The following CAMKMT variants were observed in gnomAD, a reference collection of about 807,000 sequenced individuals.
CAMKMT encodes calmodulin-lysine N-methyltransferase.
CAMKMT carries 53 observed loss-of-function variants against 48.0 expected under a neutral mutation model. The observed-to-expected ratio is 1.10, with a 90% CI of 0.89 to 1.39. The LOEUF (loss-of-function observed/expected upper bound fraction) is 1.39. Among genes scored for constraint, CAMKMT ranks in the 40% most tolerant of loss-of-function variants. The pLI is 0.00. For missense variants in CAMKMT, 428 were observed against 402.7 expected (o/e 1.06, Z -0.54); for synonymous variants, 165 against 152.3 (o/e 1.08, Z -0.61).
rs531661151 is a variant in CAMKMT at position 44,636,624 on chromosome 2, G to A, written c.377-67659G>A. Among the ~76,000 whole-genome samples, 9 of 152,216 alleles carry A rather than the reference G, an allele frequency of 5.9e-5. No homozygotes were observed. In the East Asian group the frequency reaches 1.4e-3, roughly 23 times the overall value. On this transcript the variant is annotated intron_variant, in intron 3 of 10. Transcript: ENST00000378494. ...TATTACTTATTTCTGAACTTCCAACGGTTCTTTTATGGTTTTAAAAATATT... is the reference window on the plus strand; with the variant it reads ...TATTACTTATTTCTGAACTTCCAACAGTTCTTTTATGGTTTTAAAAATATT...
intron 2 of CAMKMT, among the ~76,000 whole-genome samples, chr2:44,385,291 T>C (rs1464365576): frequency 6.6e-6 from 1 of 152,126 alleles, no homozygotes; most frequent in Non-Finnish European, 1.5e-5. Context: ...TTGGTTGCCG[T>C]TGGTGTATAG....
intron 3 of CAMKMT, among the ~76,000 whole-genome samples, chr2:44,604,929 T>C (rs772490154): frequency 6.6e-6 from 1 of 152,084 alleles, no homozygotes; most frequent in Admixed American, 6.6e-5. Context: ...CCTGAACAAG[T>C]ATTTCTTTCT....
chr2:44,693,253 A>C (rs1041257965), intron 3 of CAMKMT, among the ~76,000 whole-genome samples: 7 of 152,228 alleles, frequency 4.6e-5, no homozygotes, highest in Non-Finnish European at 1.0e-4. Context: ...AAATCTGGTC[A>C]TACCACGATG....
At chr2:44,461,478 A>T (rs1667846930) in intron 3 of CAMKMT, among the ~76,000 whole-genome samples, 1 of 152,202 alleles carries the variant, frequency 6.6e-6, no homozygotes. Flanking sequence ...GCTCCAGAGT[A>T]AGTGTTCTTA....
chr2:44,739,866 T>C (rs56990825), intron 7 of CAMKMT, among the ~76,000 whole-genome samples: 1,883 of 152,260 alleles, frequency 0.012, 33 homozygotes, highest in African/African-American at 0.041. Flanking sequence ...AATAACTCCA[T>C]GTTTGAATAC....
chr2:44,586,624 G>A (rs1669872375), intron 3 of CAMKMT, among the ~76,000 whole-genome samples: 1 of 152,136 alleles, frequency 6.6e-6, no homozygotes. Flanking sequence ...GCATATTGTA[G>A]TGTGTTTGAG....
intron 3 of CAMKMT, among the ~76,000 whole-genome samples, chr2:44,647,699 A>T (rs1673813327): frequency 1.3e-5 from 2 of 151,996 alleles, no homozygotes; most frequent in South Asian, 2.1e-4. Context: ...AGGTCAGGAG[A>T]TCAAGACCAT....
chr2:44,535,513 T>C (rs1428730856), intron 3 of CAMKMT, among the ~76,000 whole-genome samples: 1 of 152,124 alleles, frequency 6.6e-6, no homozygotes, highest in East Asian at 1.9e-4. Flanking sequence ...AACTGAATTC[T>C]ACAGCACATC....
chr2:44,625,981 G>C (rs976732778), intron 3 of CAMKMT, among the ~76,000 whole-genome samples: 2 of 151,980 alleles, frequency 1.3e-5, no homozygotes, highest in African/African-American at 4.8e-5. Context: ...CATTGGTTTT[G>C]GATATTTTAG....
chr2:44,552,226 C>T (rs765944747), intron 3 of CAMKMT, among the ~76,000 whole-genome samples: 9 of 152,160 alleles, frequency 5.9e-5, no homozygotes, highest in Admixed American at 3.9e-4. Flanking sequence ...AGAACACTAA[C>T]CTACAGTTTG....
At chr2:44,518,015 C>A (rs969882456) in intron 3 of CAMKMT, among the ~76,000 whole-genome samples, 29 of 152,140 alleles carry the variant, frequency 1.9e-4, no homozygotes, top group African/African-American at 6.8e-4. Flanking sequence ...ACCTACCCAT[C>A]TTGGCTCTGG....
intron 3 of CAMKMT, among the ~76,000 whole-genome samples, chr2:44,694,552 G>T (rs1423731799): frequency 6.6e-6 from 1 of 152,214 alleles, no homozygotes; most frequent in Non-Finnish European, 1.5e-5. Flanking sequence ...GACAGAGTGA[G>T]ATCCTGTCTC....
chr2:44,655,512 T>C (rs1432820838), intron 3 of CAMKMT, among the ~76,000 whole-genome samples: 1 of 152,176 alleles, frequency 6.6e-6, no homozygotes, highest in Non-Finnish European at 1.5e-5. Flanking sequence ...ATATAAACAA[T>C]AATGTGTTGT....
At chr2:44,382,585 T>C (rs896945304) in intron 2 of CAMKMT, among the ~76,000 whole-genome samples, 1 of 151,784 alleles carries the variant, frequency 6.6e-6, no homozygotes, top group Non-Finnish European at 1.5e-5. Flanking sequence ...TTCATGCCGA[T>C]CTTCTGCCTC....
Position 44,715,270 on chromosome 2 carries a change from T to C in CAMKMT, c.557-17T>C. The C allele has an allele frequency of 6.2e-7, 1 of 1,604,136 alleles. No individual in the cohort carries two copies. ...CTTCACAATCAGTGCAGATGTTTTC[T>C]TAACTGTGTCCTGTAGATGTGCAAG... On this transcript the variant is annotated splice_polypyrimidine_tract_variant and intron_variant, in intron 6 of 10. Transcript: ENST00000378494.
intron 3 of CAMKMT, among the ~76,000 whole-genome samples, chr2:44,610,412 T>G (rs191268368): frequency 2.6e-3 from 400 of 152,260 alleles, no homozygotes; most frequent in Middle Eastern, 6.8e-3. Context: ...GTCTGGGGTG[T>G]CTCCTATTTG....
chr2:44,711,994 G>C (rs1254129880), intron 6 of CAMKMT, among the ~76,000 whole-genome samples: 1 of 152,054 alleles, frequency 6.6e-6, no homozygotes, highest in Non-Finnish European at 1.5e-5. Flanking sequence ...ACGTCATCTT[G>C]CATTTCCTTA....
At chr2:44,681,541 T>G (rs1458827631) in intron 3 of CAMKMT, among the ~76,000 whole-genome samples, 4 of 105,722 alleles carry the variant, frequency 3.8e-5, no homozygotes, top group African/African-American at 1.4e-4. Flanking sequence ...TCTTACCAGC[T>G]TTTTTTTTTT....
At chr2:44,572,284 C>T (rs1397826200) in intron 3 of CAMKMT, among the ~76,000 whole-genome samples, 6 of 152,174 alleles carry the variant, frequency 3.9e-5, no homozygotes, top group African/African-American at 1.4e-4. Flanking sequence ...TGGGCTCAAG[C>T]AATCTTCCCA....
Sources: gnomAD v4.1 joint callset for allele counts (sites outside exome capture counted in the v4.1 genomes callset) on GRCh38, gnomAD v4.1.1 for gene constraint, MANE v1.5 for transcripts, NCBI Gene and HGNC (gene_info 2026-07-23, HGNC 2026-07-21) for gene names.